SLK: variants seen among roughly 807,000 people sequenced by gnomAD.
The protein encoded by SLK is STE20 like kinase, also known as STE20-like serine/threonine-protein kinase.
A neutral mutation model predicts 147.7 loss-of-function variants in SLK; 67 were observed. The ratio of observed to expected loss-of-function variants is 0.45; its 90% CI spans 0.37 to 0.56. SLK has a LOEUF of 0.56. Among genes scored for constraint, SLK ranks in the 20% least tolerant of loss-of-function variants. SLK has a pLI of 0.00. For synonymous variants in SLK, 441 were observed against 475.0 expected (o/e 0.93, Z 0.93); for missense variants, 1,136 against 1,438.8 (o/e 0.79, Z 3.41).
At chr10:103,997,277 ATATGCCATTG>A (rs1370754625) in intron 4 of SLK, among the ~76,000 whole-genome samples, 1 of 152,232 alleles carries the variant, frequency 6.6e-6, no homozygotes, top group Non-Finnish European at 1.5e-5. Flanking sequence ...AGATTGAATA[ATATGCCATTG>A]TATGTATATA....
chr10:104,003,445 C>T lies in SLK; in HGVS notation c.2267C>T (p.Ala756Val), dbSNP rs201226890. The change falls in exon 9 of 19, where the codon GCT (alanine) becomes GTT (valine). Residue 756 changes from alanine (A) to valine (V), a missense_variant. Ala to Val is a moderately conservative substitution (Grantham distance 64). This residue lies in a region of SLK where 516 missense variants were observed against 531.3 expected (regional missense o/e 0.97). Coordinates refer to ENST00000369755, the MANE Select transcript of SLK (RefSeq NM_014720.4). ...NDNDSGTGST[A>V]DTSSIDLNLS... ...AATGATTCAGGCACTGGTTCCACTG[C>T]TGATACTAGCAGTATTGACTTGAAT... 4.5e-5 allele frequency: 73 copies of T among 1,613,032 alleles called. No individual in the cohort carries two copies. Among genetic ancestry groups the T allele is most frequent in the Middle Eastern group, 1.6e-4 (1 of 6,078 alleles).
rs1844314048 is a variant in SLK at position 104,005,574 on chromosome 10, A to G, written c.2363A>G (p.Gln788Arg). Residue 788 changes from glutamine (Q) to arginine (R), a missense_variant, in exon 10 of 19, where the codon CAA becomes CGA. By Grantham distance (43) the Gln-to-Arg change is conservative (BLOSUM62 1). Transcript: ENST00000369755. ...AATCTCACTCAGGAAACAAGAAGACAAAAGAAAACATTGAAGAAAACACGC... is the reference window on the plus strand; with the variant it reads ...AATCTCACTCAGGAAACAAGAAGACGAAAGAAAACATTGAAGAAAACACGC... Reference protein sequence around the residue: ...GSISLQETRRQKKTLKKTRKF... With the variant: ...GSISLQETRRRKKTLKKTRKF... 1.2e-6 allele frequency: 2 copies of G among 1,606,600 alleles called. No homozygotes were observed. The highest frequency in any genetic ancestry group is 1.3e-5 in the African/African-American group (1 of 74,488).
intron 1 of SLK, among the ~76,000 whole-genome samples, chr10:103,969,463 A>G (rs1292705441): frequency 1.3e-5 from 2 of 152,254 alleles, no homozygotes; most frequent in Non-Finnish European, 2.9e-5. Flanking sequence ...TTTCTATAAT[A>G]AAATTAAGGG....
chr10:103,968,043 A>C, intron 1 of SLK, 148 bp downstream of exon 1: 1 of 809,240 alleles, frequency 1.2e-6, no homozygotes, highest in Non-Finnish European at 1.9e-6. Context: ...TGATCATCCA[A>C]GGAGTAGCTA....
chr10:103,977,660 C>A (rs1459606712), intron 1 of SLK, among the ~76,000 whole-genome samples: 1 of 152,160 alleles, frequency 6.6e-6, no homozygotes, highest in Non-Finnish European at 1.5e-5. Flanking sequence ...AATATTTTTT[C>A]ATATAAGTTC....
At chr10:104,013,760 A>C (rs533633674) in intron 13 of SLK, among the ~76,000 whole-genome samples, 5 of 152,236 alleles carry the variant, frequency 3.3e-5, no homozygotes, top group African/African-American at 9.6e-5. Flanking sequence ...GCCTTTTCAC[A>C]TGTGCCTTTT....
chr10:104,006,105 GACAA>G (rs374704256), intron 11 of SLK, 70 bp downstream of exon 11: 83 of 1,451,450 alleles, frequency 5.7e-5, no homozygotes, highest in African/African-American at 4.4e-4. Context: ...ATTAAAAACA[GACAA>G]ACAAAAAAGG....
At chr10:103,994,772 G>A (rs905714425) in intron 4 of SLK, among the ~76,000 whole-genome samples, 2 of 152,188 alleles carry the variant, frequency 1.3e-5, no homozygotes. Flanking sequence ...GGGCTGTTTG[G>A]CCTGTTGTGT....
At chr10:103,997,548 T>A (rs2134485981) in intron 4 of SLK, among the ~76,000 whole-genome samples, 1 of 152,144 alleles carries the variant, frequency 6.6e-6, no homozygotes, top group African/African-American at 2.4e-5. Flanking sequence ...AACGGAAATG[T>A]ACAAGGCTTC....
At chr10:103,994,795 G>T (rs1241200017) in intron 4 of SLK, among the ~76,000 whole-genome samples, 1 of 152,162 alleles carries the variant, frequency 6.6e-6, no homozygotes, top group East Asian at 1.9e-4. Context: ...CCCTCAAACT[G>T]CATTTTGCTA....
At chr10:103,973,876 A>C (rs767047752) in intron 1 of SLK, among the ~76,000 whole-genome samples, 1 of 147,132 alleles carries the variant, frequency 6.8e-6, no homozygotes, top group Non-Finnish European at 1.5e-5. Context: ...CTAGTTCAAA[A>C]GTAAGTTTTT....
chr10:104,006,168 A>G, intron 11 of SLK, 133 bp downstream of exon 11: 1 of 934,390 alleles, frequency 1.1e-6, no homozygotes, highest in Non-Finnish European at 1.6e-6. Context: ...TTTGTGATTT[A>G]TTTCTGGCAT....
At chr10:104,000,804 T>A (rs1343690196) in intron 7 of SLK, among the ~76,000 whole-genome samples, 1 of 152,126 alleles carries the variant, frequency 6.6e-6, no homozygotes, top group Non-Finnish European at 1.5e-5. Context: ...ATGCCTGTAA[T>A]CCCAGCACTT....
intron 1 of SLK, among the ~76,000 whole-genome samples, chr10:103,976,796 C>T (rs1041961711): frequency 5.3e-5 from 8 of 152,268 alleles, no homozygotes; most frequent in East Asian, 1.9e-4. Flanking sequence ...TACTTGCTTT[C>T]GGAATGGCTC....
intron 13 of SLK, among the ~76,000 whole-genome samples, chr10:104,012,391 A>T (rs1844411352): frequency 6.6e-6 from 1 of 152,176 alleles, no homozygotes; most frequent in South Asian, 2.1e-4. Flanking sequence ...TTTTCTTGCT[A>T]TGAGCCATTG....
intron 1 of SLK, among the ~76,000 whole-genome samples, chr10:103,989,624 A>G (rs1317263903): frequency 6.6e-6 from 1 of 151,810 alleles, no homozygotes; most frequent in Non-Finnish European, 1.5e-5. Context: ...GCCCGACACC[A>G]CGCCTGGCTA....
intron 13 of SLK, among the ~76,000 whole-genome samples, chr10:104,013,675 G>T (rs1188541143): frequency 6.6e-6 from 1 of 152,328 alleles, no homozygotes; most frequent in African/African-American, 2.4e-5. Context: ...TTGTCATCTT[G>T]TGCAGTCTTC....
rs1446589790 is a variant in SLK at position 104,003,219 on chromosome 10, A to G, written c.2041A>G (p.Lys681Glu). The G allele has an allele frequency of 6.2e-7, 1 of 1,611,744 alleles. No homozygotes were observed. Among genetic ancestry groups the G allele is most frequent in the Admixed American group, 1.7e-5 (1 of 59,300 alleles). ...TTCTAAAGTCACTACTCAGATAGAT[A>G]AAGAGAAAAAAGAAATTCCAGTGTC... The part of the protein sequence containing the change: ...DASKVTTQID[K>E]EKKEIPVSIK... The change falls in exon 9 of 19, where the codon AAA becomes GAA. Residue 681 changes from lysine (K) to glutamate (E), a missense_variant. Coordinates refer to ENST00000369755, the MANE Select transcript of SLK (RefSeq NM_014720.4).
rs748558547 is a variant in SLK at position 104,001,481 on chromosome 10, G to A, written c.902G>A (p.Arg301Gln). The A allele has an allele frequency of 3.6e-5, 58 of 1,614,056 alleles. No homozygotes were observed. The South Asian group carries it at 5.3e-4, about 15-fold the overall frequency. The change falls in exon 8 of 19, where the codon CGA becomes CAA. Residue 301 changes from arginine to glutamine, a missense_variant. Around this residue, in one of 6 missense-constraint regions of SLK, gnomAD observed 141 missense variants for 219.3 expected, o/e 0.64. Transcript: ENST00000369755. ...FVTVDSNKPIRELIAEAKAEV... is the reference protein window; with the variant it reads ...FVTVDSNKPIQELIAEAKAEV... The stretch of plus-strand genomic sequence containing the variant: ...ACTGTTGATTCCAACAAACCCATCC[G>A]AGAATTGATTGCAGAGGCGAAGGCT...
Sources: allele counts gnomAD v4.1 joint callset (sites outside exome capture counted in the v4.1 genomes callset), GRCh38; gene constraint gnomAD v4.1.1; regional missense constraint gnomAD v4.1.1; transcripts MANE v1.5; gene names NCBI Gene and HGNC (gene_info 2026-07-23, HGNC 2026-07-21).